Variants in OSTF1 observed in about 807,000 individuals in gnomAD.
The protein encoded by OSTF1 is osteoclast-stimulating factor 1.
OSTF1 carries 27 observed loss-of-function variants against 37.2 expected under a neutral mutation model. The ratio of observed to expected loss-of-function variants is 0.73; its 90% CI spans 0.54 to 1.00. OSTF1 has a LOEUF of 1.00. Among genes scored for constraint, OSTF1 ranks in the 50% least tolerant of loss-of-function variants. The pLI, the probability that OSTF1 is intolerant of heterozygous loss-of-function variation, is 0.00. For synonymous variants in OSTF1, 82 were observed against 89.2 expected (o/e 0.92, Z 0.46); for missense variants, 232 against 253.8 (o/e 0.91, Z 0.58).
At chr9:75,130,286 G>A (rs553291548) in intron 3 of OSTF1, among the ~76,000 whole-genome samples, 2 of 152,314 alleles carry the variant, frequency 1.3e-5, no homozygotes, top group East Asian at 3.9e-4. Flanking sequence ...CATATAGCTA[G>A]TCTAAACTAG....
At chr9:75,129,666 G>T (rs967458790) in intron 3 of OSTF1, among the ~76,000 whole-genome samples, 1 of 152,012 alleles carries the variant, frequency 6.6e-6, no homozygotes, top group African/African-American at 2.4e-5. Flanking sequence ...GATAACACAG[G>T]GATACAACAG....
chr9:75,121,538 C>T (rs552875992), intron 2 of OSTF1, among the ~76,000 whole-genome samples: 11 of 152,312 alleles, frequency 7.2e-5, no homozygotes, highest in African/African-American at 1.7e-4. Context: ...TGTTCAGCTC[C>T]GTTCAATTCA....
chr9:75,111,727 A>T (rs1825391477), intron 1 of OSTF1, among the ~76,000 whole-genome samples: 2 of 151,034 alleles, frequency 1.3e-5, no homozygotes, highest in Non-Finnish European at 2.9e-5. Flanking sequence ...AAAGCATCTA[A>T]CTTAGCCTCC....
intron 2 of OSTF1, among the ~76,000 whole-genome samples, chr9:75,120,575 G>A (rs1054907938): frequency 2.0e-5 from 3 of 151,998 alleles, no homozygotes; most frequent in East Asian, 1.9e-4. Flanking sequence ...CGTTGTCTTC[G>A]CCTTTGTCCT....
chr9:75,131,949 C>T, intron 5 of OSTF1, 126 bp downstream of exon 5: 1 of 690,044 alleles, frequency 1.4e-6, no homozygotes, highest in South Asian at 1.8e-5. Context: ...TTTCTGCCAT[C>T]CTAGAAAGTT....
chr9:75,130,451 C>T (rs1825744539), intron 3 of OSTF1, 127 bp from the exon 4 acceptor site: 1 of 661,484 alleles, frequency 1.5e-6, no homozygotes, highest in South Asian at 1.7e-5. Flanking sequence ...CGTGAGGAAG[C>T]TTGATAGTGT....
chr9:75,108,244 T>TAAA (rs1439298447), intron 1 of OSTF1, among the ~76,000 whole-genome samples: 4 of 145,316 alleles, frequency 2.8e-5, no homozygotes, highest in South Asian at 2.2e-4. Flanking sequence ...AATAAATAAA[T>TAAA]TAATTAATTA....
chr9:75,089,003 G>A (rs1262265423), intron 1 of OSTF1, among the ~76,000 whole-genome samples: 1 of 152,220 alleles, frequency 6.6e-6, no homozygotes. Flanking sequence ...GAAACTTTCA[G>A]AGGGTGTGAT....
intron 1 of OSTF1, among the ~76,000 whole-genome samples, chr9:75,093,311 G>A (rs762226911): frequency 1.6e-4 from 25 of 152,104 alleles, no homozygotes; most frequent in Non-Finnish European, 3.4e-4. Context: ...GCGTGAATCT[G>A]TCTGGCTTGT....
At chr9:75,104,171 G>C (rs1169730236) in intron 1 of OSTF1, among the ~76,000 whole-genome samples, 2 of 152,168 alleles carry the variant, frequency 1.3e-5, no homozygotes, top group East Asian at 3.9e-4. Flanking sequence ...CCGAGCCTGG[G>C]AAGTCAAGGC....
chr9:75,138,346 G>C (rs1452434896), intron 8 of OSTF1, among the ~76,000 whole-genome samples: 1 of 152,196 alleles, frequency 6.6e-6, no homozygotes, highest in African/African-American at 2.4e-5. Context: ...GTATGCTGGT[G>C]ATGTAAGCTG....
chr9:75,133,443 A>G (rs762727440), intron 6 of OSTF1, 42 bp downstream of exon 6: 2 of 1,216,880 alleles, frequency 1.6e-6, no homozygotes, highest in South Asian at 1.3e-5. Context: ...GCTGCTGAAA[A>G]TGTGTTTCAC....
At chr9:75,134,502 A>G (rs1825813658) in intron 7 of OSTF1, 107 bp downstream of exon 7, 1 of 607,854 alleles carries the variant, frequency 1.6e-6, no homozygotes, top group Non-Finnish European at 2.9e-6. Context: ...CCACAAGCAC[A>G]TAATTTAAAA....
chr9:75,135,335 C>G (rs564873339), intron 7 of OSTF1, among the ~76,000 whole-genome samples: 1 of 152,128 alleles, frequency 6.6e-6, no homozygotes, highest in Non-Finnish European at 1.5e-5. Flanking sequence ...TATGTATGAT[C>G]TGCTTTTTCT....
chr9:75,109,162 G>T (rs559423858), intron 1 of OSTF1, among the ~76,000 whole-genome samples: 4 of 151,814 alleles, frequency 2.6e-5, no homozygotes, highest in African/African-American at 9.7e-5. Context: ...ACAGGTGCCC[G>T]CCAACACGCC....
chr9:75,089,959 C>A (rs1824929237), intron 1 of OSTF1, among the ~76,000 whole-genome samples: 1 of 152,026 alleles, frequency 6.6e-6, no homozygotes, highest in African/African-American at 2.4e-5. Flanking sequence ...TCTTGGTGGG[C>A]TGAGTGTGAA....
At chr9:75,095,270 C>T (rs1339376857) in intron 1 of OSTF1, among the ~76,000 whole-genome samples, 3 of 152,148 alleles carry the variant, frequency 2.0e-5, no homozygotes, top group African/African-American at 7.2e-5. Context: ...AGGGTAAGTG[C>T]ACTGCTGTTT....
In OSTF1 at chr9:75,127,020, T is replaced by C. The variant is rs115752489; in HGVS notation, c.82-549T>C. ...TACTGCTTCATATCTTTTAGCTCTT[T>C]AGCCTTATTAATGGTTGAATTACAT... is the stretch of plus-strand genomic sequence containing the variant. On this transcript the variant is annotated intron_variant, in intron 2 of 9. Transcript: ENST00000346234. Among the ~76,000 whole-genome samples, 649 of 152,348 alleles carry C rather than the reference T, an allele frequency of 4.3e-3. 6 individuals carry two copies. Among genetic ancestry groups the C allele is most frequent in the African/African-American group, 0.015 (611 of 41,572 alleles).
intron 6 of OSTF1, among the ~76,000 whole-genome samples, chr9:75,133,845 T>C (rs1825803804): frequency 6.6e-6 from 1 of 152,230 alleles, no homozygotes; most frequent in Admixed American, 6.5e-5. Flanking sequence ...ATTGATACTT[T>C]TTCTGTTGTA....
Sources: gnomAD v4.1 joint callset for allele counts (sites outside exome capture counted in the v4.1 genomes callset) on GRCh38, gnomAD v4.1.1 for gene constraint, MANE v1.5 for transcripts, NCBI Gene and HGNC (gene_info 2026-07-23, HGNC 2026-07-21) for gene names.